Variants in CREB5 observed in about 807,000 individuals in gnomAD.
CREB5 encodes the protein cAMP responsive element binding protein 5.
CREB5 carries 19 observed loss-of-function variants against 57.1 expected under a neutral mutation model. The ratio of observed to expected loss-of-function variants is 0.33; its 90% confidence interval spans 0.23 to 0.49. The LOEUF (loss-of-function observed/expected upper bound fraction) is 0.49. Among genes scored for constraint, CREB5 ranks in the 20% least tolerant of loss-of-function variants. The pLI is 0.99. For missense variants in CREB5, 579 were observed against 671.6 expected (o/e 0.86, Z 1.52); for synonymous variants, 238 against 238.3 (o/e 1.00, Z 0.01).
intron 1 of CREB5, among the ~76,000 whole-genome samples, chr7:28,457,385 A>G (rs1231656069): frequency 6.6e-6 from 1 of 152,168 alleles, no homozygotes; most frequent in East Asian, 1.9e-4. Flanking sequence ...TGACTGAAAT[A>G]AGCAGAGGGA....
chr7:28,332,925 G>A (rs1785744087), intron 1 of CREB5, among the ~76,000 whole-genome samples: 1 of 152,156 alleles, frequency 6.6e-6, no homozygotes, highest in Non-Finnish European at 1.5e-5. Flanking sequence ...ATAAGATACT[G>A]TATATATCAC....
intron 5 of CREB5, among the ~76,000 whole-genome samples, chr7:28,618,418 A>AT (rs967841910): frequency 1.5e-4 from 22 of 151,434 alleles, no homozygotes; most frequent in Non-Finnish European, 2.5e-4. Context: ...AGTTTCATCT[A>AT]TTTTTTTTTA....
At chr7:28,746,245 T>G (rs1804674692) in intron 7 of CREB5, among the ~76,000 whole-genome samples, 1 of 152,130 alleles carries the variant, frequency 6.6e-6, no homozygotes, top group South Asian at 2.1e-4. Flanking sequence ...AGAAAGAAAT[T>G]TTGGTTATAA....
upstream of CREB5, chr7:28,409,190 G>GCGGGGCGGGGT (rs1787663147): frequency 6.6e-6 from 1 of 151,390 alleles, no homozygotes. The surrounding 1 kb of genome is among the most constrained non-coding windows in gnomAD (Gnocchi z 4.4). Flanking sequence ...GTCCGCGCGG[G>GCGGGGCGGGGT]CGGGGCGGGG....
chr7:28,607,391 A>T lies in CREB5; in HGVS notation c.464+36854A>T, dbSNP rs1797178710. ...TGGGCGTGAATGAGTGTTTGCATAC[A>T]CTCACTGGGGGCGGAATGAGGCCTT... On this transcript the variant is annotated intron_variant, in intron 5 of 10. Transcript: ENST00000357727. Among the ~76,000 whole-genome samples, 4 of 152,042 alleles carry T rather than the reference A, an allele frequency of 2.6e-5. No homozygotes were observed. In the South Asian group the frequency reaches 8.3e-4, roughly 32 times the overall value.
intron 1 of CREB5, among the ~76,000 whole-genome samples, chr7:28,379,733 A>G (rs1292821525): frequency 6.6e-6 from 1 of 152,230 alleles, no homozygotes. Context: ...TCTAATGTGC[A>G]GCCAACATTG....
At chr7:28,712,401 G>A (rs1194332175) in intron 5 of CREB5, among the ~76,000 whole-genome samples, 3 of 151,078 alleles carry the variant, frequency 2.0e-5, no homozygotes, top group South Asian at 2.1e-4. Flanking sequence ...CCAGCTACTC[G>A]GGAGGCTGAA....
At chr7:28,572,254 A>G (rs1301584787) in intron 5 of CREB5, among the ~76,000 whole-genome samples, 1 of 152,258 alleles carries the variant, frequency 6.6e-6, no homozygotes, top group African/African-American at 2.4e-5. Context: ...AAGAAACAGA[A>G]CATTAACCTG....
intron 5 of CREB5, among the ~76,000 whole-genome samples, chr7:28,656,343 T>A (rs1445763847): frequency 6.6e-6 from 1 of 152,232 alleles, no homozygotes. Context: ...CATACCATCT[T>A]GGACATAGCA....
intron 1 of CREB5, among the ~76,000 whole-genome samples, chr7:28,350,533 G>A (rs950535938): frequency 1.3e-5 from 2 of 151,642 alleles, no homozygotes; most frequent in African/African-American, 4.8e-5. Context: ...TTCAGGGAGA[G>A]GCCCTTAATC....
chr7:28,797,006 A>G (rs1047338239), intron 7 of CREB5, among the ~76,000 whole-genome samples: 7 of 152,254 alleles, frequency 4.6e-5, no homozygotes, highest in African/African-American at 1.7e-4. Context: ...TCTGCAATAA[A>G]ATAATTCTAT....
At chr7:28,513,610 G>A (rs181594797) in intron 4 of CREB5, 1 of 152,114 alleles carries the variant, frequency 6.6e-6, no homozygotes, top group African/African-American at 2.4e-5. Flanking sequence ...TGTAAATCAC[G>A]TTCAACTTTC....
chr7:28,380,605 G>T (rs117308578), intron 1 of CREB5, among the ~76,000 whole-genome samples: 1 of 152,168 alleles, frequency 6.6e-6, no homozygotes, highest in African/African-American at 2.4e-5. Flanking sequence ...CACATCCGAG[G>T]GGTGGGTTGT....
intron 1 of CREB5, among the ~76,000 whole-genome samples, chr7:28,455,364 G>A (rs1468992845): frequency 6.6e-6 from 1 of 152,148 alleles, no homozygotes; most frequent in African/African-American, 2.4e-5. Flanking sequence ...GAAGGTGGGA[G>A]GCTCAGAAAT....
At chr7:28,799,275 A>G (rs1430867736) in intron 7 of CREB5, among the ~76,000 whole-genome samples, 1 of 152,216 alleles carries the variant, frequency 6.6e-6, no homozygotes, top group Non-Finnish European at 1.5e-5. Flanking sequence ...AAAAGTCTTC[A>G]TCTCCACATC....
chr7:28,555,796 G>T lies in CREB5; in HGVS notation c.292-14569G>T, dbSNP rs111934005. Among the ~76,000 whole-genome samples the T allele has an allele frequency of 8.5e-4, 130 of 152,300 alleles. 1 individual carries two copies. Among genetic ancestry groups the T allele is most frequent in the African/African-American group, 3.1e-3 (127 of 41,582 alleles). ...TGAAAGCTCCAGCAATATGGGTGTT[G>T]TTCTTATGTGAATCCCTGATTCCCC... On this transcript the variant is annotated intron_variant, in intron 4 of 10. Transcript: ENST00000357727.
Position 28,334,014 on chromosome 7 carries a change from C to T in CREB5, c.-25+34573C>T, listed in dbSNP as rs117118084. ...TTTTACTAATTTATATTCCCACCAA[C>T]GGTGTTTCCTTTTCTCCACATCCTT... On this transcript the variant is annotated intron_variant, in intron 1 of 9. Coordinates refer to the CREB5 transcript ENST00000396299. 4.2e-3 allele frequency among the ~76,000 whole-genome samples: 636 copies of T among 152,290 alleles called. 12 individuals are homozygous for T. Among genetic ancestry groups the T allele is most frequent in the East Asian group, 0.028 (145 of 5,184 alleles).
chr7:28,810,359 A>G (rs1431949468), intron 9 of CREB5, among the ~76,000 whole-genome samples: 1 of 152,094 alleles, frequency 6.6e-6, no homozygotes, highest in Non-Finnish European at 1.5e-5. Flanking sequence ...CAGGGAGGAA[A>G]TTACCCTACA....
intron 5 of CREB5, chr7:28,686,080 G>T: frequency 6.4e-7 from 1 of 1,555,644 alleles, no homozygotes; most frequent in Non-Finnish European, 8.8e-7. Flanking sequence ...GAATCAAATG[G>T]GAAGGATATG....
Sources: allele counts gnomAD v4.1 joint callset (sites outside exome capture counted in the v4.1 genomes callset), GRCh38; gene constraint gnomAD v4.1.1; non-coding constraint Gnocchi (gnomAD v3.1); transcripts MANE v1.5; gene names NCBI Gene and HGNC (gene_info 2026-07-23, HGNC 2026-07-21).